CHAT: variants seen among roughly 807,000 people sequenced by gnomAD.
The protein encoded by CHAT is acetyl CoA:choline O-acetyltransferase.
In CHAT, 61 loss-of-function variants were observed where a neutral mutation model predicts 76.9. The observed-to-expected ratio is 0.79, with a 90% CI of 0.65 to 0.98. The LOEUF (loss-of-function observed/expected upper bound fraction) is 0.98. CHAT is among the 50% of genes least tolerant of loss of function. The pLI, the probability that CHAT is intolerant of heterozygous loss-of-function variation, is 0.00. For synonymous variants in CHAT, 407 were observed against 397.4 expected (o/e 1.02, Z -0.29); for missense variants, 946 against 986.9 (o/e 0.96, Z 0.56).
upstream of CHAT, chr10:49,610,723 G>T: frequency 6.8e-7 from 1 of 1,480,202 alleles, no homozygotes; most frequent in Admixed American, 2.7e-5. Context: ...GTCCTCGGAA[G>T]AGCATCGGGG....
chr10:49,650,410 T>C (rs372893898), intron 10 of CHAT, among the ~76,000 whole-genome samples: 2 of 152,026 alleles, frequency 1.3e-5, no homozygotes, highest in East Asian at 3.9e-4. Context: ...CACAAAAATA[T>C]AGAAGCTGAA....
chr10:49,613,992 AC>A (rs1838374537), upstream of CHAT: 2 of 963,548 alleles, frequency 2.1e-6, no homozygotes, highest in Admixed American at 2.2e-5. Context: ...CAGCAGCAGC[AC>A]CCCAAGGCTG....
chr10:49,662,444 G>A (rs894713217), intron 13 of CHAT, among the ~76,000 whole-genome samples: 2 of 152,208 alleles, frequency 1.3e-5, no homozygotes, highest in Non-Finnish European at 2.9e-5. Context: ...GTGGAAATGC[G>A]CAAGGGCCCG....
At chr10:49,612,559 G>A (rs1838330367), upstream of CHAT, 2 of 549,574 alleles carry the variant, frequency 3.6e-6, no homozygotes, top group East Asian at 6.1e-5. Context: ...CGAAGCCATC[G>A]CGCTCCTTGC....
At chr10:49,638,468 G>C (rs1473020547) in intron 7 of CHAT, among the ~76,000 whole-genome samples, 1 of 152,068 alleles carries the variant, frequency 6.6e-6, no homozygotes, top group Non-Finnish European at 1.5e-5. Context: ...GCTTAACTCT[G>C]ATATTTTAGT....
intron 9 of CHAT, 120 bp from the exon 10 acceptor site, chr10:49,649,388 C>A (rs1839789633): frequency 7.0e-7 from 1 of 1,419,276 alleles, no homozygotes; most frequent in South Asian, 1.2e-5. Flanking sequence ...GCAGCTCGTA[C>A]CCCCTGAAAC....
At chr10:49,613,526 G>A (rs1003444076), upstream of CHAT, among the ~76,000 whole-genome samples, 2 of 152,250 alleles carry the variant, frequency 1.3e-5, no homozygotes, top group African/African-American at 4.8e-5. Context: ...GAGGCGGCTG[G>A]TCAGGGTCGC....
chr10:49,662,918 A>T (rs1253314128), intron 14 of CHAT, 136 bp downstream of exon 14: 2 of 1,091,048 alleles, frequency 1.8e-6, no homozygotes, highest in Non-Finnish European at 2.8e-6. Context: ...CTTCAGCAAA[A>T]TGATCTGAAT....
At chr10:49,616,253 A>G (rs763224106) in intron 1 of CHAT, among the ~76,000 whole-genome samples, 1 of 152,030 alleles carries the variant, frequency 6.6e-6, no homozygotes, top group African/African-American at 2.4e-5. Context: ...GTGACAACAG[A>G]CTCATGAGAG....
At chr10:49,639,900 T>C (rs1234368639) in intron 7 of CHAT, among the ~76,000 whole-genome samples, 2 of 152,132 alleles carry the variant, frequency 1.3e-5, no homozygotes, top group Non-Finnish European at 1.5e-5. Context: ...TTTCCCCCAG[T>C]CTAATCAGTG....
intron 11 of CHAT, among the ~76,000 whole-genome samples, chr10:49,653,167 G>A (rs372753721): frequency 3.3e-5 from 5 of 151,966 alleles, no homozygotes; most frequent in African/African-American, 7.3e-5. Flanking sequence ...AATCACAGAC[G>A]GGAGGTTTAG....
rs1383823143 is a variant in CHAT at position 49,645,810 on chromosome 10, T to C, written c.1112-695T>C. Among the ~76,000 whole-genome samples the C allele has an allele frequency of 2.0e-5, 3 of 152,132 alleles. No homozygotes were observed. In the South Asian group the frequency reaches 6.2e-4, roughly 32 times the overall value. On this transcript the variant is annotated intron_variant, in intron 7 of 14. Coordinates refer to ENST00000337653, the MANE Select transcript of CHAT (RefSeq NM_020549.5). ...ATGTCTAGAGGAGCCTGGGAATTGG[T>C]AGAGGCTAACACAAAAGCCAGCTGT...
chr10:49,615,895 G>T, intron 1 of CHAT: 2 of 721,682 alleles, frequency 2.8e-6, no homozygotes, highest in Non-Finnish European at 4.7e-6. Flanking sequence ...AACGCCTCCA[G>T]CAGGCCCAGA....
chr10:49,620,495 G>A lies in CHAT; in HGVS notation c.580G>A (p.Val194Met), dbSNP rs1242753352. 5.6e-6 allele frequency: 9 copies of A among 1,610,474 alleles called. No homozygotes were observed. The highest frequency in any genetic ancestry group is 2.2e-5 in the South Asian group (2 of 91,004). The change falls in exon 4 of 15, where the codon GTG becomes ATG. Residue 194 changes from valine (V) to methionine (M), a missense_variant and splice_region_variant. By Grantham distance (21) the Val-to-Met change is conservative. Around this residue, in one of 3 missense-constraint regions of CHAT, gnomAD observed 548 missense variants for 516.2 expected, o/e 1.06. Coordinates refer to ENST00000337653, the MANE Select transcript of CHAT (RefSeq NM_020549.5). ...LERQEKTANWVSEYWLNDMYL... is the reference protein window; with the variant it reads ...LERQEKTANWMSEYWLNDMYL... ...CGGCCTTCCCTGCCCTCCCCGGCAG[G>A]TGTCTGAGTACTGGCTGAATGACAT...
intron 6 of CHAT, among the ~76,000 whole-genome samples, chr10:49,627,268 G>T (rs1008035220): frequency 1.3e-5 from 2 of 152,254 alleles, no homozygotes; most frequent in African/African-American, 4.8e-5. Flanking sequence ...CAATTGCTTA[G>T]TCATAGGTAT....
intron 7 of CHAT, among the ~76,000 whole-genome samples, chr10:49,641,707 C>T (rs1426385513): frequency 2.0e-5 from 3 of 152,098 alleles, no homozygotes; most frequent in African/African-American, 7.2e-5. Flanking sequence ...AAGGTCTAAG[C>T]CCCTGAGAAA....
At chr10:49,661,063 C>T (rs1047913414) in intron 13 of CHAT, among the ~76,000 whole-genome samples, 4 of 152,166 alleles carry the variant, frequency 2.6e-5, no homozygotes, top group African/African-American at 4.8e-5. Flanking sequence ...CCATAAGCTC[C>T]ACAAGGACTG....
intron 14 of CHAT, among the ~76,000 whole-genome samples, chr10:49,663,407 G>T (rs1840259966): frequency 6.6e-6 from 1 of 152,178 alleles, no homozygotes; most frequent in Admixed American, 6.5e-5. Flanking sequence ...TGCCCAGCAG[G>T]TCTGCAGTGA....
chr10:49,609,257 G>A (rs1838228720), upstream of CHAT: 1 of 152,264 alleles, frequency 6.6e-6, no homozygotes, highest in Admixed American at 6.5e-5. Context: ...TCCGGGGAGT[G>A]GGCGCGGCAC....
Sources: gnomAD v4.1 joint callset for allele counts (sites outside exome capture counted in the v4.1 genomes callset) on GRCh38, gnomAD v4.1.1 for gene constraint, gnomAD v4.1.1 regional missense constraint, MANE v1.5 for transcripts, NCBI Gene and HGNC (gene_info 2026-07-23, HGNC 2026-07-21) for gene names.